CFAP61: variants seen among roughly 807,000 people sequenced by gnomAD.
CFAP61 encodes the protein cilia and flagella associated protein 61, also known as cilia- and flagella-associated protein 61.
CFAP61 carries 107 observed loss-of-function variants against 135.6 expected under a neutral mutation model. The observed-to-expected ratio is 0.79, with a 90% CI of 0.67 to 0.93. The LOEUF (loss-of-function observed/expected upper bound fraction) is 0.93. Among genes scored for constraint, CFAP61 ranks in the 40% least tolerant of loss-of-function variants. The probability of loss-of-function intolerance (pLI) is 0.00; values close to 1 mark genes in which losing one functional copy is unlikely to be tolerated. For missense variants in CFAP61, 1,507 were observed against 1,556.2 expected (o/e 0.97, Z 0.53); for synonymous variants, 575 against 578.5 (o/e 0.99, Z 0.09).
chr20:20,086,899 G>T (rs893506979), intron 6 of CFAP61, among the ~76,000 whole-genome samples: 1 of 152,160 alleles, frequency 6.6e-6, no homozygotes, highest in Non-Finnish European at 1.5e-5. Flanking sequence ...AGTCACCGGA[G>T]GGTGTAGGGT....
Position 20,360,337 on chromosome 20 carries a change from A to G in CFAP61, c.3641A>G (p.Glu1214Gly). Residue 1214 changes from glutamate (E) to glycine (G), a missense_variant, in exon 27 of 27, where the codon GAG (glutamate) becomes GGG (glycine). Physicochemically the swap from Glu to Gly is moderately conservative, Grantham distance 98. Transcript: ENST00000245957. ...GAATCCATCTACAAAACCCTGGTGG[A>G]GAGAAGCACTCTTGACTACCTGCAC... ...FEESIYKTLV[E>G]RSTLDYLHYN... The G allele has an allele frequency of 6.2e-7, 1 of 1,613,906 alleles. No individual in the cohort carries two copies. The highest frequency in any genetic ancestry group is 8.5e-7 in the Non-Finnish European group (1 of 1,180,016).
chr20:20,102,101 T>G (rs1175423831), intron 8 of CFAP61, among the ~76,000 whole-genome samples: 2 of 152,224 alleles, frequency 1.3e-5, no homozygotes, highest in Non-Finnish European at 2.9e-5. Flanking sequence ...AAGGCCACTC[T>G]GACCTATGCA....
chr20:20,106,562 G>A (rs996208685), intron 8 of CFAP61, among the ~76,000 whole-genome samples: 1 of 152,154 alleles, frequency 6.6e-6, no homozygotes, highest in Non-Finnish European at 1.5e-5. Flanking sequence ...TATGGGGCCT[G>A]GAGGTCTTCA....
At chr20:20,060,151 G>T (rs1391035497) in intron 2 of CFAP61, among the ~76,000 whole-genome samples, 1 of 151,754 alleles carries the variant, frequency 6.6e-6, no homozygotes, top group Non-Finnish European at 1.5e-5. Flanking sequence ...CACAATAGTA[G>T]TCAGAAGATA....
chr20:20,153,463 A>T (rs894802593), intron 9 of CFAP61, among the ~76,000 whole-genome samples: 10 of 152,136 alleles, frequency 6.6e-5, no homozygotes, highest in African/African-American at 2.4e-4. Context: ...AAATTGATAG[A>T]CCATTACCAA....
At chr20:20,091,055 G>A (rs953285361) in intron 7 of CFAP61, 79 bp downstream of exon 7, 4 of 1,535,798 alleles carry the variant, frequency 2.6e-6, no homozygotes, top group East Asian at 4.5e-5. Flanking sequence ...GCGTTGCTGG[G>A]CACCCCTGGA....
chr20:20,191,302 A>G (rs2146875243), intron 14 of CFAP61, 40 bp from the exon 15 acceptor site: 2 of 1,550,074 alleles, frequency 1.3e-6, no homozygotes, highest in Non-Finnish European at 1.8e-6. Flanking sequence ...ATTCATAGCC[A>G]TATTTTTAAG....
chr20:20,054,443 A>G (rs1033383972), intron 1 of CFAP61, among the ~76,000 whole-genome samples: 2 of 152,182 alleles, frequency 1.3e-5, no homozygotes, highest in African/African-American at 2.4e-5. Context: ...ACATATACAC[A>G]CACACATTTT....
chr20:20,321,823 A>G (rs1170384537), intron 25 of CFAP61, among the ~76,000 whole-genome samples: 1 of 152,242 alleles, frequency 6.6e-6, no homozygotes, highest in East Asian at 1.9e-4. Context: ...AAAGAGTGTA[A>G]GGTGTATGTC....
intron 8 of CFAP61, among the ~76,000 whole-genome samples, chr20:20,130,771 TCTC>T (rs1314738369): frequency 6.6e-6 from 1 of 151,758 alleles, no homozygotes; most frequent in African/African-American, 2.4e-5. Flanking sequence ...GTGGAACAAA[TCTC>T]CTACAGTGTG....
intron 6 of CFAP61, among the ~76,000 whole-genome samples, chr20:20,089,253 C>G (rs2146611199): frequency 6.6e-6 from 1 of 152,284 alleles, no homozygotes; most frequent in Non-Finnish European, 1.5e-5. Context: ...TTTCTGTCAT[C>G]TCAGGCAAAG....
intron 2 of CFAP61, among the ~76,000 whole-genome samples, chr20:20,058,567 G>A (rs982156701): frequency 6.6e-5 from 10 of 152,200 alleles, no homozygotes; most frequent in Admixed American, 2.6e-4. Context: ...GTTCATTGTA[G>A]GGATGAACAA....
At chr20:20,102,094 G>C (rs7268683) in intron 8 of CFAP61, among the ~76,000 whole-genome samples, 8,204 of 152,230 alleles carry the variant, frequency 0.054, 665 homozygotes, top group African/African-American at 0.17. Context: ...ACTGTGAAAG[G>C]CCACTCTGAC....
intron 8 of CFAP61, among the ~76,000 whole-genome samples, chr20:20,107,291 A>G (rs545989320): frequency 7.9e-4 from 121 of 152,338 alleles, no homozygotes; most frequent in Non-Finnish European, 1.5e-3. Context: ...CAGTTATTTG[A>G]CTACTGGGTC....
At chr20:20,341,201 A>G (rs1039834315) in intron 25 of CFAP61, among the ~76,000 whole-genome samples, 3 of 152,152 alleles carry the variant, frequency 2.0e-5, no homozygotes, top group Non-Finnish European at 4.4e-5. Context: ...TACCAATAAG[A>G]GTTCTTGGTT....
intron 9 of CFAP61, among the ~76,000 whole-genome samples, chr20:20,151,049 C>G (rs1449597546): frequency 6.6e-6 from 1 of 151,992 alleles, no homozygotes; most frequent in African/African-American, 2.4e-5. Context: ...GGATCCAAAC[C>G]AAGAAGAAAT....
At chr20:20,328,477 CCTTGA>C (rs2057849084) in intron 25 of CFAP61, among the ~76,000 whole-genome samples, 1 of 152,156 alleles carries the variant, frequency 6.6e-6, no homozygotes, top group Non-Finnish European at 1.5e-5. Context: ...TTGGCCTTGG[CCTTGA>C]CTTTTGTGAT....
At position 20,290,348 on chromosome 20, in the gene CFAP61, C is replaced by T; in HGVS notation, c.3173C>T (p.Ala1058Val). 1 of 1,613,312 alleles carries T rather than the reference C, an allele frequency of 6.2e-7. No individual in the cohort carries two copies. The highest frequency in any genetic ancestry group is 8.5e-7 in the Non-Finnish European group (1 of 1,179,208). The change falls in exon 24 of 27, where the codon GCC becomes GTC. Residue 1058 changes from alanine to valine, a missense_variant. Physicochemically the swap from Ala to Val is moderately conservative, Grantham distance 64. Transcript: ENST00000245957. Reference protein sequence around the residue: ...SYHYLHIAKPAIPTPLEVQMA... With the variant: ...SYHYLHIAKPVIPTPLEVQMA... ...CATTATCTGCATATTGCCAAGCCTG[C>T]CATTCCAACTCCCTTGGAGGTACAA...
At chr20:20,216,809 A>G (rs1003610224) in intron 17 of CFAP61, among the ~76,000 whole-genome samples, 9 of 150,122 alleles carry the variant, frequency 6.0e-5, no homozygotes, top group Admixed American at 4.6e-4. Context: ...TTTTTTTTTC[A>G]TGGGATGGGA....
Sources: gnomAD v4.1 joint callset for allele counts (sites outside exome capture counted in the v4.1 genomes callset) on GRCh38, gnomAD v4.1.1 for gene constraint, MANE v1.5 for transcripts, NCBI Gene and HGNC (gene_info 2026-07-23, HGNC 2026-07-21) for gene names.